Variants in QSOX1 observed in about 807,000 individuals in gnomAD.
QSOX1 encodes the protein quiescin sulfhydryl oxidase 1.
Under a neutral mutation model 76.1 loss-of-function variants are expected in QSOX1, and 40 were observed. The observed-to-expected ratio is 0.53, with a 90% CI of 0.41 to 0.68. The LOEUF (loss-of-function observed/expected upper bound fraction) is 0.68, where lower values mean the gene tolerates loss of function less well. Among genes scored for constraint, QSOX1 ranks in the 30% least tolerant of loss-of-function variants. The pLI, the probability that QSOX1 is intolerant of heterozygous loss-of-function variation, is 0.00. For synonymous variants in QSOX1, 392 were observed against 413.1 expected (o/e 0.95, Z 0.62); for missense variants, 931 against 974.3 (o/e 0.96, Z 0.59).
intron 4 of QSOX1, 94 bp from the exon 5 acceptor site, chr1:180,178,700 C>T: frequency 2.6e-6 from 3 of 1,137,362 alleles, no homozygotes; most frequent in Admixed American, 1.7e-5. Flanking sequence ...ATGGCCATAC[C>T]TGCAGCACTG....
intron 5 of QSOX1, among the ~76,000 whole-genome samples, chr1:180,179,830 A>T (rs1662986312): frequency 6.6e-6 from 1 of 152,236 alleles, no homozygotes; most frequent in South Asian, 2.1e-4. Flanking sequence ...GCCCTGAGAG[A>T]GGAGGCACAG....
At chr1:180,186,677 A>G (rs561397855) in intron 8 of QSOX1, among the ~76,000 whole-genome samples, 3 of 152,184 alleles carry the variant, frequency 2.0e-5, no homozygotes, top group Non-Finnish European at 4.4e-5. Flanking sequence ...GAAGGTGGCT[A>G]CTCCACGAAG....
chr1:180,186,539 G>A (rs1256008088), intron 8 of QSOX1, among the ~76,000 whole-genome samples: 1 of 151,878 alleles, frequency 6.6e-6, no homozygotes, highest in Non-Finnish European at 1.5e-5. Context: ...TGGTCACTGG[G>A]AAAGCAGGAC....
At chr1:180,176,149 G>C (rs1248868727) in intron 4 of QSOX1, 116 bp downstream of exon 4, 3 of 791,504 alleles carry the variant, frequency 3.8e-6, no homozygotes, top group Non-Finnish European at 6.2e-6. Flanking sequence ...TGCTGCCTTT[G>C]CCTGTGGGGC....
rs753673474 is a variant in QSOX1 at position 180,194,280 on chromosome 1, C to T, written c.1356C>T (p.Cys452=). 1.6e-5 allele frequency: 26 copies of T among 1,612,702 alleles called. No homozygotes were observed. Among genetic ancestry groups the T allele is most frequent in the East Asian group, 1.3e-4 (6 of 44,844 alleles). The change falls in exon 11 of 12, where the codon TGC becomes TGT. Residue 452 remains cysteine, a synonymous_variant. Transcript: ENST00000367602. ...ACTACTTCTTCGGCTGCCGAGACTG[C>T]GCTAGCCACTTCGAGCAGATGGCTG... ...YVHYFFGCRD[C]ASHFEQMAAA...
At chr1:180,183,236 C>T (rs979294761) in intron 6 of QSOX1, among the ~76,000 whole-genome samples, 25 of 151,954 alleles carry the variant, frequency 1.6e-4, no homozygotes, top group African/African-American at 5.5e-4. Flanking sequence ...CATGCCAGCT[C>T]CCCCGGGGCA....
At chr1:180,175,630 T>C (rs766827323) in intron 3 of QSOX1, among the ~76,000 whole-genome samples, 2 of 152,150 alleles carry the variant, frequency 1.3e-5, no homozygotes, top group African/African-American at 2.4e-5. Context: ...GAAGAGCTCT[T>C]CTGTCACAAT....
chr1:180,177,995 C>G (rs2149236746), intron 4 of QSOX1, among the ~76,000 whole-genome samples: 1 of 152,288 alleles, frequency 6.6e-6, no homozygotes, highest in Non-Finnish European at 1.5e-5. Flanking sequence ...CTTTCTGATT[C>G]TTTCATTGCT....
rs1322509022 is a variant in QSOX1 at position 180,198,246 on chromosome 1, C to G, written c.*1209C>G. On this transcript the variant is annotated 3_prime_UTR_variant, in exon 12 of 12. Transcript: ENST00000367602. ...GGCCTCTGGATGTGCAGCCTTGCCACCCCCTGCCCCAATCCTCCCTGAGAG... is the reference window on the plus strand; with the variant it reads ...GGCCTCTGGATGTGCAGCCTTGCCAGCCCCTGCCCCAATCCTCCCTGAGAG... 1 of 456,590 alleles carries G rather than the reference C, an allele frequency of 2.2e-6. No homozygotes were observed. The highest frequency in any genetic ancestry group is 4.4e-6 in the Non-Finnish European group (1 of 226,966). The allele number at this position is 456,590 out of a possible 1,614,324, so 28.3% of individuals were successfully genotyped here.
At chr1:180,178,659 A>G in intron 4 of QSOX1, 135 bp from the exon 5 acceptor site, 1 of 736,706 alleles carries the variant, frequency 1.4e-6, no homozygotes. Context: ...ACTCCCTTGG[A>G]GGGCCCTGTG....
At chr1:180,156,848 A>G in intron 1 of QSOX1, among the ~76,000 whole-genome samples, 1 of 152,162 alleles carries the variant, frequency 6.6e-6, no homozygotes. Flanking sequence ...TGTGGGCATG[A>G]ACATCATAAA....
chr1:180,155,248 A>C lies in QSOX1; in HGVS notation c.265+76A>C, dbSNP rs537122606. 66 of 1,297,678 alleles carry C rather than the reference A, an allele frequency of 5.1e-5. No homozygotes were observed. The East Asian group carries it at 1.7e-3, about 33-fold the overall frequency. The allele number at this position is 1,297,678 out of a possible 1,614,324, so 80.4% of individuals were successfully genotyped here. On this transcript the variant is annotated intron_variant, in intron 1 of 11. Transcript: ENST00000367602. ...CCACCTGCCCGGTGGGCAGCCTCCT[A>C]CTCCGGGAGCGCGTCCCTCTTCCAG...
chr1:180,190,879 G>T (rs1477479204), intron 10 of QSOX1, among the ~76,000 whole-genome samples: 1 of 152,140 alleles, frequency 6.6e-6, no homozygotes, highest in Non-Finnish European at 1.5e-5. Flanking sequence ...CTTATAGTTT[G>T]CTTTGCTTTC....
chr1:180,155,230 C>G, intron 1 of QSOX1, 58 bp downstream of exon 1: 3 of 1,388,570 alleles, frequency 2.2e-6, no homozygotes, highest in Non-Finnish European at 2.8e-6. Flanking sequence ...CCTCCACCTG[C>G]CCGGTGGGCA....
At chr1:180,179,304 G>A (rs1172535565) in intron 5 of QSOX1, among the ~76,000 whole-genome samples, 1 of 152,214 alleles carries the variant, frequency 6.6e-6, no homozygotes, top group African/African-American at 2.4e-5. Context: ...GGACTGGAGT[G>A]AAATATTTGG....
rs1440135295 is a variant in QSOX1, at chr1:180,194,335, A to C, written c.1411A>C (p.Asn471His). ...CTCCATGCACCGGGTGGGGAGTCCC[A>C]ACGCCGCTGTCCTCTGGCTCTGGTC... ...AASMHRVGSP[N>H]AAVLWLWSSH... The change falls in exon 11 of 12, where the codon AAC (asparagine) becomes CAC (histidine). Residue 471 changes from asparagine (N) to histidine (H), a missense_variant. Physicochemically the swap from Asn to His is moderately conservative, Grantham distance 68. Transcript: ENST00000367602. The C allele has an allele frequency of 6.2e-7, 1 of 1,606,152 alleles. No homozygotes were observed. Among genetic ancestry groups the C allele is most frequent in the East Asian group, 2.2e-5 (1 of 44,672 alleles).
Position 180,169,984 on chromosome 1 carries a change from G to A in QSOX1, c.366+3393G>A, listed in dbSNP as rs1038754929. On this transcript the variant is annotated intron_variant, in intron 2 of 11. Transcript: ENST00000367602. ...TGGGAGAGAGGAGGAATGTGGGCGG[G>A]CCTTATAGGCAGGCGAGAAGGTGAG... 4.6e-5 allele frequency among the ~76,000 whole-genome samples: 7 copies of A among 152,342 alleles called. No individual in the cohort carries two copies. The East Asian group carries it at 1.4e-3, about 29-fold the overall frequency.
At chr1:180,189,214 T>C (rs1422072103) in intron 8 of QSOX1, among the ~76,000 whole-genome samples, 1 of 152,138 alleles carries the variant, frequency 6.6e-6, no homozygotes, top group Non-Finnish European at 1.5e-5. Context: ...TGCTCCAGCC[T>C]TCCTCCCAGT....
rs550957875 is a variant in QSOX1 at position 180,172,709 on chromosome 1, G to A, written c.367-2612G>A. 3.3e-5 allele frequency among the ~76,000 whole-genome samples: 5 copies of A among 152,188 alleles called. No individual in the cohort carries two copies. In the South Asian group the frequency reaches 1.0e-3, roughly 32 times the overall value. On this transcript the variant is annotated intron_variant, in intron 2 of 11. Coordinates refer to ENST00000367602, the MANE Select transcript of QSOX1 (RefSeq NM_002826.5). ...AATTTTTATATTTTTAGTAGAGACG[G>A]GGTTTTACCCTGTTGGCCAGGCTGG...
Sources: gnomAD v4.1 joint callset for allele counts (sites outside exome capture counted in the v4.1 genomes callset) on GRCh38, gnomAD v4.1.1 for gene constraint, MANE v1.5 for transcripts, NCBI Gene and HGNC (gene_info 2026-07-23, HGNC 2026-07-21) for gene names.